The following HMCN1 variants were observed in gnomAD, a reference collection of about 807,000 sequenced individuals.
HMCN1 encodes the protein hemicentin 1, also known as hemicentin-1.
A neutral mutation model predicts 625.9 loss-of-function variants in HMCN1; 321 were observed. That is an observed-to-expected ratio of 0.51 (90% CI 0.47 to 0.56). The LOEUF (loss-of-function observed/expected upper bound fraction) is 0.56, where lower values mean the gene tolerates loss of function less well. HMCN1 is among the 20% of genes least tolerant of loss of function. The probability of loss-of-function intolerance (pLI) is 0.00; values close to 1 mark genes in which losing one functional copy is unlikely to be tolerated. For synonymous variants in HMCN1, 2,425 were observed against 2,417.6 expected (o/e 1.00, Z -0.09); for missense variants, 6,588 against 6,887.3 (o/e 0.96, Z 1.54).
rs58611262 is a variant in HMCN1 at position 186,175,349 on chromosome 1, C to A, written c.15943+707C>A. Among the ~76,000 whole-genome samples, 5 of 152,290 alleles carry A rather than the reference C, an allele frequency of 3.3e-5. No individual in the cohort carries two copies. In the South Asian group the frequency reaches 1.0e-3, roughly 32 times the overall value. ...CTTTTAAATACTAGCTTCTGGGTTT[C>A]ACGCTATGCTTTTCAAATTGGTTGC... On this transcript the variant is annotated intron_variant, in intron 103 of 106. Coordinates refer to ENST00000271588, the MANE Select transcript of HMCN1 (RefSeq NM_031935.3).
At chr1:185,811,729 TAA>T (rs59762206) in intron 1 of HMCN1, among the ~76,000 whole-genome samples, 8,980 of 149,356 alleles carry the variant, frequency 0.06, 899 homozygotes, top group African/African-American at 0.2. Flanking sequence ...TCCCTTGCTC[TAA>T]AAAAAAAAAT....
intron 48 of HMCN1, 36 bp from the exon 49 acceptor site, chr1:186,065,202 A>G (rs1271041028): frequency 3.9e-6 from 6 of 1,549,600 alleles, no homozygotes; most frequent in Admixed American, 1.7e-5. Flanking sequence ...CTATACATGT[A>G]ATTATTAGCT....
intron 11 of HMCN1, among the ~76,000 whole-genome samples, chr1:185,937,214 T>G (rs1228913209): frequency 6.6e-6 from 1 of 152,224 alleles, no homozygotes; most frequent in Non-Finnish European, 1.5e-5. Flanking sequence ...ATATGGTGTC[T>G]TAGTCTGTTT....
chr1:186,095,592 T>C (rs1660097651), intron 68 of HMCN1, 71 bp downstream of exon 68: 1 of 1,493,066 alleles, frequency 6.7e-7, no homozygotes, highest in Non-Finnish European at 9.1e-7. Context: ...TAAATAAGTA[T>C]AATTCTGAGA....
intron 8 of HMCN1, among the ~76,000 whole-genome samples, 200 bp from the exon 9 acceptor site, chr1:185,924,847 A>G (rs894840002): frequency 5.3e-4 from 80 of 152,134 alleles, no homozygotes; most frequent in African/African-American, 1.9e-3. Flanking sequence ...AGGGGCTCAT[A>G]AAGATATCCA....
chr1:186,101,632 G>T (rs2102439347), intron 68 of HMCN1, among the ~76,000 whole-genome samples: 1 of 152,134 alleles, frequency 6.6e-6, no homozygotes, highest in Admixed American at 6.5e-5. Flanking sequence ...ACTTAACACA[G>T]GTAAGATCTG....
chr1:185,793,394 C>T (rs1009002481), intron 1 of HMCN1, among the ~76,000 whole-genome samples: 1 of 152,140 alleles, frequency 6.6e-6, no homozygotes, highest in African/African-American at 2.4e-5. Context: ...ATTGTTAAAT[C>T]TTCTGTGACT....
intron 30 of HMCN1, among the ~76,000 whole-genome samples, chr1:186,010,354 A>G (rs960063606): frequency 4.6e-5 from 7 of 152,232 alleles, no homozygotes; most frequent in Non-Finnish European, 1.0e-4. Context: ...TTAAAATGGA[A>G]GAGGAAGTGA....
intron 61 of HMCN1, 63 bp downstream of exon 61, chr1:186,088,076 A>T: frequency 6.2e-7 from 1 of 1,610,406 alleles, no homozygotes; most frequent in South Asian, 1.1e-5. Context: ...AAAGTGTTCC[A>T]AATTAGCTTA....
chr1:185,816,195 G>A (rs976063402), intron 1 of HMCN1, among the ~76,000 whole-genome samples: 2 of 152,210 alleles, frequency 1.3e-5, no homozygotes, highest in Non-Finnish European at 2.9e-5. Flanking sequence ...CTCAAAGGAA[G>A]AACAAATTAT....
chr1:185,917,624 C>A (rs1272705989), intron 6 of HMCN1, among the ~76,000 whole-genome samples: 1 of 152,146 alleles, frequency 6.6e-6, no homozygotes, highest in Non-Finnish European at 1.5e-5. Context: ...GGATGGCTTT[C>A]ATGTCATTTA....
In HMCN1 at chr1:186,017,078, G is replaced by A. The variant is rs367562861; in HGVS notation, c.5300+7G>A. 4.2e-4 allele frequency: 606 copies of A among 1,449,194 alleles called. No individual in the cohort carries two copies. The highest frequency in any genetic ancestry group is 5.6e-4 in the Non-Finnish European group (576 of 1,030,050). The allele number at this position is 1,449,194 out of a possible 1,614,324, so 89.8% of individuals were successfully genotyped here. A position where few individuals can be genotyped will look rare whatever the true frequency, so the allele number is the denominator to read the frequency against. On this transcript the variant is annotated splice_region_variant and intron_variant, in intron 33 of 106. Transcript: ENST00000271588. The stretch of plus-strand genomic sequence containing the variant: ...CTCCCCCACCAACTATCATGTAAGG[G>A]TTTTGGTATGTCTTCTAAATACCTC...
intron 71 of HMCN1, among the ~76,000 whole-genome samples, chr1:186,110,592 A>G (rs946507699): frequency 1.3e-5 from 2 of 152,226 alleles, no homozygotes; most frequent in African/African-American, 4.8e-5. Context: ...TAATCGAAGA[A>G]GAGGAAGTAG....
At chr1:186,065,544 G>A in intron 49 of HMCN1, 115 bp downstream of exon 49, 2 of 678,694 alleles carry the variant, frequency 2.9e-6, no homozygotes, top group African/African-American at 1.8e-5. Context: ...CATGTAAGGA[G>A]GACCAGTGCT....
At chr1:185,964,395 A>C (rs1302479036) in intron 13 of HMCN1, among the ~76,000 whole-genome samples, 1 of 152,132 alleles carries the variant, frequency 6.6e-6, no homozygotes, top group Admixed American at 6.6e-5. Context: ...CAAATAAAGG[A>C]TAAAGGAATA....
chr1:186,152,552 GAAATGTT>G (rs1650740860), intron 95 of HMCN1, among the ~76,000 whole-genome samples, 191 bp from the exon 96 acceptor site: 1 of 152,140 alleles, frequency 6.6e-6, no homozygotes, highest in African/African-American at 2.4e-5. Context: ...TACATAAAAA[GAAATGTT>G]AAAAGAAACT....
chr1:186,111,141 C>CGGG (rs1412151262), intron 71 of HMCN1, among the ~76,000 whole-genome samples: 2 of 150,944 alleles, frequency 1.3e-5, no homozygotes, highest in African/African-American at 4.9e-5. Context: ...CCACCAGGCC[C>CGGG]GGCTACTTTT....
chr1:186,066,638 C>T (rs535504819), intron 49 of HMCN1, among the ~76,000 whole-genome samples: 1 of 152,288 alleles, frequency 6.6e-6, no homozygotes, highest in East Asian at 1.9e-4. Flanking sequence ...CTCTGGCAAG[C>T]ACTTCCCTTT....
Position 186,117,497 on chromosome 1 carries a change from G to C in HMCN1, c.11722G>C (p.Val3908Leu), listed in dbSNP as rs146636123. ...SIADEPTDFL[V>L]TKHAPAVITC... ...AGCTGATGAGCCTACAGATTTCCTA[G>C]TAACCAAACATGCCCCAGCAGTAAT... Residue 3908 changes from valine (V) to leucine (L), a missense_variant, in exon 77 of 107, where the codon GTA (valine) becomes CTA (leucine). By Grantham distance (32) the Val-to-Leu change is conservative. Around this residue, in one of 3 missense-constraint regions of HMCN1, gnomAD observed 4,628 missense variants for 4,853.1 expected, o/e 0.95. Coordinates refer to ENST00000271588, the MANE Select transcript of HMCN1 (RefSeq NM_031935.3). 81 of 1,613,686 alleles carry C rather than the reference G, an allele frequency of 5.0e-5. No homozygotes were observed. Among genetic ancestry groups the C allele is most frequent in the Non-Finnish European group, 6.7e-5 (79 of 1,179,850 alleles).
Sources: allele counts gnomAD v4.1 joint callset (sites outside exome capture counted in the v4.1 genomes callset), GRCh38; gene constraint gnomAD v4.1.1; regional missense constraint gnomAD v4.1.1; transcripts MANE v1.5; gene names NCBI Gene and HGNC (gene_info 2026-07-23, HGNC 2026-07-21).